CACNA2D3: variants seen among roughly 807,000 people sequenced by gnomAD.
CACNA2D3 encodes the protein calcium voltage-gated channel auxiliary subunit alpha2delta 3.
In CACNA2D3, 60 loss-of-function variants were observed where a neutral mutation model predicts 160.6. The ratio of observed to expected loss-of-function variants is 0.37; its 90% CI spans 0.30 to 0.46. The LOEUF (loss-of-function observed/expected upper bound fraction) is 0.46, where lower values mean the gene tolerates loss of function less well. Among genes scored for constraint, CACNA2D3 ranks in the 20% least tolerant of loss-of-function variants. CACNA2D3 has a pLI of 1.00. For synonymous variants in CACNA2D3, 558 were observed against 492.9 expected, an observed-to-expected ratio of 1.13 and a Z score of -1.75; for missense variants, 1,205 against 1,365.0, an observed-to-expected ratio of 0.88 and a Z score of 1.85.
At chr3:55,000,229 G>A (rs907159452) in intron 31 of CACNA2D3, among the ~76,000 whole-genome samples, 14 of 152,118 alleles carry the variant, frequency 9.2e-5, no homozygotes, top group Admixed American at 2.0e-4. Flanking sequence ...ACAGGTAGCC[G>A]CAAAATGGAG....
At chr3:54,326,136 A>G (rs950823482) in intron 3 of CACNA2D3, among the ~76,000 whole-genome samples, 1 of 152,194 alleles carries the variant, frequency 6.6e-6, no homozygotes, top group Non-Finnish European at 1.5e-5. Context: ...GTTTATCTGG[A>G]GAAACCTGGG....
At chr3:54,515,169 T>C (rs911165499) in intron 5 of CACNA2D3, among the ~76,000 whole-genome samples, 8 of 132,900 alleles carry the variant, frequency 6.0e-5, no homozygotes, top group African/African-American at 2.3e-4. Flanking sequence ...TCCGTGTGTG[T>C]GTGTCTGTGT....
intron 5 of CACNA2D3, among the ~76,000 whole-genome samples, chr3:54,548,589 G>A (rs1167159901): frequency 3.9e-5 from 6 of 152,112 alleles, no homozygotes; most frequent in East Asian, 1.9e-4. Flanking sequence ...AACCCAGTAC[G>A]TTCAGTAGAC....
At position 54,576,817 on chromosome 3, in the gene CACNA2D3, C is replaced by T. The variant is rs1312771662; in HGVS notation, c.889-4986C>T. On this transcript the variant is annotated intron_variant, in intron 8 of 37. Transcript: ENST00000474759. ...GGGAGGCTGAGGCAGGAGGATTGCT[C>T]GAGCCCAGGAGTTCGAGACCAGCCT... Among the ~76,000 whole-genome samples the T allele has an allele frequency of 5.3e-5, 8 of 152,006 alleles. 1 individual carries two copies. Among genetic ancestry groups the T allele is most frequent in the Admixed American group, 2.6e-4 (4 of 15,258 alleles).
chr3:54,280,000 C>T (rs1189792691), intron 2 of CACNA2D3, among the ~76,000 whole-genome samples: 3 of 152,216 alleles, frequency 2.0e-5, no homozygotes, highest in African/African-American at 7.2e-5. Flanking sequence ...AGAATTCCAA[C>T]AGTGATTTCT....
rs1438219119 is a variant in CACNA2D3, at chr3:54,621,137, A to C, written c.964-6650A>C. ...GGCTGTACTCCCAGCCAGGACCACC[A>C]GCTCTCAAGGGCTTGTTTTGTCCGC... is the stretch of plus-strand genomic sequence containing the variant. On this transcript the variant is annotated intron_variant, in intron 9 of 37. Transcript: ENST00000474759. Among the ~76,000 whole-genome samples, 3 of 152,210 alleles carry C rather than the reference A, an allele frequency of 2.0e-5. 1 individual carries two copies. Among genetic ancestry groups the C allele is most frequent in the South Asian group, 4.1e-4 (2 of 4,828 alleles).
intron 33 of CACNA2D3, among the ~76,000 whole-genome samples, chr3:55,008,181 CTGTGACTGTCCACCA>C (rs1319215813): frequency 2.6e-5 from 4 of 152,230 alleles, no homozygotes; most frequent in Non-Finnish European, 4.4e-5. Flanking sequence ...GAGCACACTG[CTGTGACTGTCCACCA>C]TGCCACTTTG....
intron 2 of CACNA2D3, among the ~76,000 whole-genome samples, chr3:54,310,705 G>A (rs751675767): frequency 6.6e-6 from 1 of 152,162 alleles, no homozygotes; most frequent in Non-Finnish European, 1.5e-5. Flanking sequence ...AAAGAATGAC[G>A]TATTTCAGAA....
At chr3:54,927,560 C>G (rs1453714651) in intron 27 of CACNA2D3, among the ~76,000 whole-genome samples, 1 of 152,130 alleles carries the variant, frequency 6.6e-6, no homozygotes, top group Non-Finnish European at 1.5e-5. Flanking sequence ...GAAAGGCTTG[C>G]CTCTCTGAGA....
chr3:54,300,833 A>C (rs556456054), intron 2 of CACNA2D3, among the ~76,000 whole-genome samples: 42 of 152,148 alleles, frequency 2.8e-4, no homozygotes, highest in African/African-American at 9.1e-4. Flanking sequence ...TGGGCAACAA[A>C]GCGAGACTCC....
intron 6 of CACNA2D3, among the ~76,000 whole-genome samples, chr3:54,567,927 T>G (rs1462304111): frequency 2.6e-5 from 4 of 152,176 alleles, no homozygotes; most frequent in Non-Finnish European, 5.9e-5. Context: ...TGCCCTTTCC[T>G]GAAGTGGAGA....
chr3:54,854,038 G>A (rs1245472985), intron 17 of CACNA2D3, among the ~76,000 whole-genome samples: 1 of 152,182 alleles, frequency 6.6e-6, no homozygotes. Flanking sequence ...CGGTCCCCAT[G>A]CAGAGCCAGC....
intron 2 of CACNA2D3, among the ~76,000 whole-genome samples, chr3:54,139,991 G>A (rs1699893653): frequency 6.6e-6 from 1 of 152,202 alleles, no homozygotes; most frequent in Admixed American, 6.5e-5. Context: ...GGCTCCACCA[G>A]TGGCTTAAAG....
At chr3:54,633,269 T>C (rs1056167571) in intron 10 of CACNA2D3, among the ~76,000 whole-genome samples, 1 of 152,156 alleles carries the variant, frequency 6.6e-6, no homozygotes, top group Admixed American at 6.5e-5. Context: ...GGAGAGTAGA[T>C]TCTAGAGCTT....
intron 2 of CACNA2D3, among the ~76,000 whole-genome samples, chr3:54,211,661 A>G (rs1577001688): frequency 2.0e-5 from 3 of 152,210 alleles, no homozygotes; most frequent in Admixed American, 1.3e-4. Flanking sequence ...CTTTCTTCCT[A>G]CTATTCTTAA....
intron 9 of CACNA2D3, among the ~76,000 whole-genome samples, chr3:54,627,348 C>T (rs1473987335): frequency 6.6e-6 from 1 of 151,888 alleles, no homozygotes; most frequent in African/African-American, 2.4e-5. Context: ...AGGGTTATGC[C>T]CATATGAGAT....
At chr3:54,611,336 A>G (rs1698745492) in intron 9 of CACNA2D3, among the ~76,000 whole-genome samples, 1 of 152,194 alleles carries the variant, frequency 6.6e-6, no homozygotes, top group Non-Finnish European at 1.5e-5. Context: ...AGGTTATTTG[A>G]ATCATCTTGG....
chr3:54,461,090 G>A (rs537541205), intron 4 of CACNA2D3, among the ~76,000 whole-genome samples: 45 of 152,022 alleles, frequency 3.0e-4, no homozygotes, highest in African/African-American at 6.3e-4. Context: ...ATTGATTTGC[G>A]TATATTGAAC....
intron 2 of CACNA2D3, among the ~76,000 whole-genome samples, chr3:54,273,648 C>A (rs1420307146): frequency 6.6e-6 from 1 of 152,190 alleles, no homozygotes; most frequent in African/African-American, 2.4e-5. Context: ...ACAGCAGGAG[C>A]AGGCTGGTGG....
Sources: allele counts gnomAD v4.1 joint callset (sites outside exome capture counted in the v4.1 genomes callset), GRCh38; gene constraint gnomAD v4.1.1; transcripts MANE v1.5; gene names NCBI Gene and HGNC (gene_info 2026-07-23, HGNC 2026-07-21).